Variants in LAMC1 observed in about 807,000 individuals in gnomAD.
The protein encoded by LAMC1 is laminin subunit gamma-1.
LAMC1 carries 38 observed loss-of-function variants against 173.6 expected under a neutral mutation model. The ratio of observed to expected loss-of-function variants is 0.22; its 90% CI spans 0.17 to 0.29. The LOEUF (loss-of-function observed/expected upper bound fraction) is 0.29, where lower values mean the gene tolerates loss of function less well. Ranked by LOEUF, LAMC1 falls within the 10% of genes least tolerant of loss-of-function variation. LAMC1 has a pLI of 1.00. For synonymous variants in LAMC1, 746 were observed against 749.1 expected (o/e 1.00, Z 0.07); for missense variants, 1,824 against 2,051.8 (o/e 0.89, Z 2.14).
Position 183,125,424 on chromosome 1 carries a change from T to C in LAMC1, c.2675T>C (p.Met892Thr). 1 of 1,614,142 alleles carries C rather than the reference T, an allele frequency of 6.2e-7. No individual in the cohort carries two copies. ...TGCAATTGCAATCTGTATGGGACCA[T>C]GAAGCAGCAGAGCAGCTGTAACCCC... Reference protein sequence around the residue: ...KACNCNLYGTMKQQSSCNPVT... With the variant: ...KACNCNLYGTTKQQSSCNPVT... Residue 892 changes from methionine (M) to threonine (T), a missense_variant, in exon 15 of 28, where the codon ATG becomes ACG. Met to Thr is a moderately conservative substitution (Grantham distance 81). Transcript: ENST00000258341.
rs575666304 is a variant in LAMC1 at position 183,133,327 on chromosome 1, A to G, written c.3705-79A>G. 12 of 1,281,020 alleles carry G rather than the reference A, an allele frequency of 9.4e-6. No homozygotes were observed. The African/African-American group carries it at 1.2e-4, about 13-fold the overall frequency. 79.4% of individuals were successfully genotyped at this position (1,281,020 alleles called of 1,614,324 possible). ...TTTGAGGTTTTGGGCGTATTATCACATGATCATGTTAATCTGGTTAACATT... is the reference window on the plus strand; with the variant it reads ...TTTGAGGTTTTGGGCGTATTATCACGTGATCATGTTAATCTGGTTAACATT... On this transcript the variant is annotated intron_variant, in intron 21 of 27. Transcript: ENST00000258341.
chr1:183,039,015 T>A (rs12043805), intron 1 of LAMC1, among the ~76,000 whole-genome samples: 51,189 of 151,938 alleles, frequency 0.34, 9,719 homozygotes, highest in East Asian at 0.49. Context: ...TAGGCGTAGT[T>A]GCCTTGGGTG....
At chr1:183,134,030 A>G (rs1008656987) in intron 22 of LAMC1, among the ~76,000 whole-genome samples, 2 of 152,162 alleles carry the variant, frequency 1.3e-5, no homozygotes, top group Non-Finnish European at 2.9e-5. Flanking sequence ...ATAAGAGAGA[A>G]TGGTTTAATT....
intron 1 of LAMC1, among the ~76,000 whole-genome samples, chr1:183,092,828 A>G (rs992305824): frequency 9.2e-5 from 14 of 152,082 alleles, no homozygotes; most frequent in Admixed American, 1.3e-4. Flanking sequence ...ATCCACTCCA[A>G]ACCACCAGAG....
intron 1 of LAMC1, among the ~76,000 whole-genome samples, chr1:183,041,492 A>C (rs1654131618): frequency 6.6e-6 from 1 of 152,086 alleles, no homozygotes; most frequent in Non-Finnish European, 1.5e-5. Flanking sequence ...ACGTCCACTC[A>C]CTTCTAAAAT....
Position 183,110,629 on chromosome 1 carries a change from T to G in LAMC1, c.996T>G (p.Thr332=). Residue 332 remains threonine (T), a synonymous_variant, in exon 4 of 28, where the codon ACT becomes ACG. Transcript: ENST00000258341. ...FFNDRPWRRA[T]AESASECLPC... ...ATGACCGGCCGTGGAGGAGGGCAAC[T>G]GCGGAAAGTGCCAGTGAATGCCTGC... is the stretch of plus-strand genomic sequence containing the variant. 1 of 1,613,942 alleles carries G rather than the reference T, an allele frequency of 6.2e-7. No individual in the cohort carries two copies. Among genetic ancestry groups the G allele is most frequent in the Non-Finnish European group, 8.5e-7 (1 of 1,179,858 alleles).
chr1:183,048,305 C>G (rs1558032150), intron 1 of LAMC1, among the ~76,000 whole-genome samples: 2 of 152,154 alleles, frequency 1.3e-5, no homozygotes, highest in Non-Finnish European at 1.5e-5. Context: ...GTCATTGTCC[C>G]TCAGTGTAAT....
chr1:183,136,068 G>A (rs371892813), intron 24 of LAMC1, among the ~76,000 whole-genome samples: 1 of 152,018 alleles, frequency 6.6e-6, no homozygotes, highest in African/African-American at 2.4e-5. Flanking sequence ...CTCAGTACCC[G>A]ACACACAGTA....
In LAMC1 at chr1:183,058,130, A is replaced by G. The variant is rs535756783; in HGVS notation, c.418+33996A>G. Among the ~76,000 whole-genome samples the G allele has an allele frequency of 3.3e-5, 5 of 152,266 alleles. No individual in the cohort carries two copies. The East Asian group carries it at 7.7e-4, about 24-fold the overall frequency. ...TGTAGTTTTCTAAAAGTTCGTCTCT[A>G]TTGGCTACTTCATTTCTGTTCTAAA... On this transcript the variant is annotated intron_variant, in intron 1 of 27. Coordinates refer to ENST00000258341, the MANE Select transcript of LAMC1 (RefSeq NM_002293.4).
chr1:183,117,884 C>T (rs1469004168), intron 10 of LAMC1, 150 bp from the exon 11 acceptor site: 3 of 739,456 alleles, frequency 4.1e-6, no homozygotes, highest in Non-Finnish European at 6.7e-6. Context: ...TTTATCTTTT[C>T]CAATTGTACT....
At chr1:183,073,444 T>G (rs76364618) in intron 1 of LAMC1, among the ~76,000 whole-genome samples, 1 of 152,212 alleles carries the variant, frequency 6.6e-6, no homozygotes, top group Non-Finnish European at 1.5e-5. Context: ...TTCAAAGATA[T>G]GTGGTCTGAT....
chr1:183,039,255 A>AC (rs1452770561), intron 1 of LAMC1, among the ~76,000 whole-genome samples: 1 of 134,698 alleles, frequency 7.4e-6, no homozygotes, highest in African/African-American at 2.8e-5. Flanking sequence ...GACTAAGGAT[A>AC]AAGATTGTGG....
chr1:183,103,091 A>G (rs1655875216), intron 1 of LAMC1, among the ~76,000 whole-genome samples: 1 of 152,220 alleles, frequency 6.6e-6, no homozygotes, highest in East Asian at 1.9e-4. Context: ...CATTGCACAC[A>G]ACATTTCCAC....
chr1:183,136,671 G>A lies in LAMC1; in HGVS notation c.4314+86G>A, dbSNP rs1432749166. The stretch of plus-strand genomic sequence containing the variant: ...TTCTTTCCAGACCCTCAGAGCCCTT[G>A]CAGATTTTTTTCCTGAACTTCAGTA... On this transcript the variant is annotated intron_variant, in intron 25 of 27. Coordinates refer to ENST00000258341, the MANE Select transcript of LAMC1 (RefSeq NM_002293.4). The A allele has an allele frequency of 2.9e-5, 35 of 1,199,564 alleles. No individual in the cohort carries two copies. The South Asian group carries it at 5.2e-4, about 18-fold the overall frequency. The allele number at this position is 1,199,564 out of a possible 1,614,324, so 74.3% of individuals were successfully genotyped here.
chr1:183,034,635 G>C (rs1278284685), intron 1 of LAMC1, among the ~76,000 whole-genome samples: 1 of 152,238 alleles, frequency 6.6e-6, no homozygotes, highest in Non-Finnish European at 1.5e-5. Context: ...AGGGATTGAA[G>C]TCAGCCCGGA....
chr1:183,028,583 G>A (rs1160025112), intron 1 of LAMC1, among the ~76,000 whole-genome samples: 1 of 152,242 alleles, frequency 6.6e-6, no homozygotes, highest in Non-Finnish European at 1.5e-5. Flanking sequence ...ATAGGTCTTT[G>A]ACTACCTAGT....
At chr1:183,089,982 G>C (rs1655524922) in intron 1 of LAMC1, among the ~76,000 whole-genome samples, 1 of 152,190 alleles carries the variant, frequency 6.6e-6, no homozygotes, top group African/African-American at 2.4e-5. Flanking sequence ...AAGGGGCCCA[G>C]TTTACCTGGG....
intron 1 of LAMC1, among the ~76,000 whole-genome samples, chr1:183,055,387 C>T (rs1014363034): frequency 2.6e-5 from 4 of 151,992 alleles, no homozygotes; most frequent in African/African-American, 9.6e-5. Flanking sequence ...GAACTTGATA[C>T]CTGCTTAGGG....
rs531367823 is a variant in LAMC1, at chr1:183,023,594, G to C, written c.-123G>C. The C allele has an allele frequency of 1.4e-6, 1 of 705,010 alleles. No individual in the cohort carries two copies. Among genetic ancestry groups the C allele is most frequent in the Non-Finnish European group, 1.8e-6 (1 of 542,420 alleles). The allele number at this position is 705,010 out of a possible 1,614,324, so 43.7% of individuals were successfully genotyped here. A position where few individuals can be genotyped will look rare whatever the true frequency, so the allele number is the denominator to read the frequency against. ...GGCGCGAGCCGCCGCCACCGCCCGC[G>C]CCGGAGTCAGGCCCCTGGGCCCCCA... On this transcript the variant is annotated 5_prime_UTR_variant, in exon 1 of 28. Coordinates refer to ENST00000258341, the MANE Select transcript of LAMC1 (RefSeq NM_002293.4).
Sources: gnomAD v4.1 joint callset for allele counts (sites outside exome capture counted in the v4.1 genomes callset) on GRCh38, gnomAD v4.1.1 for gene constraint, MANE v1.5 for transcripts, NCBI Gene and HGNC (gene_info 2026-07-23, HGNC 2026-07-21) for gene names.